Variants in HMGB1 observed in about 807,000 individuals in gnomAD.
HMGB1 encodes the protein high mobility group protein B1.
For missense variants in HMGB1, 79 were observed against 253.5 expected, an observed-to-expected ratio of 0.31 and a Z score of 4.67; for synonymous variants, 81 against 84.0, an observed-to-expected ratio of 0.96 and a Z score of 0.19.
chr13:30,614,008 A>T (rs1481819469), intron 1 of HMGB1, among the ~76,000 whole-genome samples: 1 of 152,202 alleles, frequency 6.6e-6, no homozygotes, highest in Non-Finnish European at 1.5e-5. Context: ...ATAATAACAG[A>T]ACAACTTTTA....
intron 1 of HMGB1, among the ~76,000 whole-genome samples, chr13:30,498,542 A>C (rs908073400): frequency 6.6e-6 from 1 of 151,852 alleles, no homozygotes; most frequent in African/African-American, 2.4e-5. Context: ...TATGCCCCCC[A>C]CCACCCCACG....
At position 30,458,244 on chromosome 13, in the gene HMGB1, C is replaced by CAAGCAGA. The variant is rs1486008589; in HGVS notation, c.*3112_*3113insTCTGCTT. 4 of 152,018 alleles carry CAAGCAGA rather than the reference C, an allele frequency of 2.6e-5. No individual in the cohort carries two copies. In the East Asian group the frequency reaches 7.7e-4, roughly 29 times the overall value. The allele number at this position is 152,018 out of a possible 1,614,324, so 9.4% of individuals were successfully genotyped here. ...AGGAGGCGTATTGTACCAAGCAGAC[C>CAAGCAGA]TAAATGTGAACTTTCATCAAGGACT... On this transcript the variant is annotated 3_prime_UTR_variant, in exon 5 of 5. Coordinates refer to ENST00000341423, the MANE Select transcript of HMGB1 (RefSeq NM_002128.7).
At chr13:30,536,629 C>T (rs1158396298) in intron 1 of HMGB1, among the ~76,000 whole-genome samples, 1 of 152,302 alleles carries the variant, frequency 6.6e-6, no homozygotes, top group East Asian at 1.9e-4. Context: ...GGATTACAGG[C>T]GTGAGCCACC....
chr13:30,588,115 T>C (rs1301968537), intron 1 of HMGB1, among the ~76,000 whole-genome samples: 1 of 152,200 alleles, frequency 6.6e-6, no homozygotes, highest in Non-Finnish European at 1.5e-5. Flanking sequence ...TATCATGTGC[T>C]CAGCACTGCC....
chr13:30,522,067 A>G (rs985604138), intron 1 of HMGB1, among the ~76,000 whole-genome samples: 3 of 151,570 alleles, frequency 2.0e-5, no homozygotes, highest in African/African-American at 7.3e-5. Flanking sequence ...CTTGCTCAAG[A>G]TAGCTTAGTG....
intron 1 of HMGB1, among the ~76,000 whole-genome samples, chr13:30,597,289 G>T (rs1871657501): frequency 1.3e-5 from 2 of 152,142 alleles, no homozygotes; most frequent in Non-Finnish European, 2.9e-5. Flanking sequence ...CATGAAGGCA[G>T]AGACCGGGGC....
intron 1 of HMGB1, among the ~76,000 whole-genome samples, chr13:30,471,993 G>A (rs1276735343): frequency 6.6e-6 from 1 of 151,516 alleles, no homozygotes; most frequent in Non-Finnish European, 1.5e-5. Context: ...AAACTTAAAA[G>A]GTGACCAGGT....
intron 1 of HMGB1, among the ~76,000 whole-genome samples, chr13:30,538,778 CTTCT>C (rs1868712126): frequency 8.6e-5 from 2 of 23,352 alleles, no homozygotes; most frequent in East Asian, 1.6e-3. Flanking sequence ...TCTCTCTTTC[CTTCT>C]TTCTTTTTCT....
At chr13:30,525,857 G>GGC (rs904620667) in intron 1 of HMGB1, among the ~76,000 whole-genome samples, 2 of 150,712 alleles carry the variant, frequency 1.3e-5, no homozygotes, top group Admixed American at 1.3e-4. Context: ...ATGAGATTGT[G>GGC]GGGGGACACA....
intron 1 of HMGB1, among the ~76,000 whole-genome samples, chr13:30,605,604 G>A (rs1160310082): frequency 6.6e-6 from 1 of 152,214 alleles, no homozygotes; most frequent in Non-Finnish European, 1.5e-5. Flanking sequence ...TTGGTGGGAA[G>A]ACAGGAATAA....
chr13:30,503,151 A>G (rs992599498), intron 1 of HMGB1, among the ~76,000 whole-genome samples: 1 of 113,290 alleles, frequency 8.8e-6, no homozygotes, highest in African/African-American at 2.6e-5. Flanking sequence ...CCTGGCTGAC[A>G]TAGTGAAACC....
chr13:30,519,315 C>T (rs1350856187), intron 1 of HMGB1, among the ~76,000 whole-genome samples: 2 of 150,730 alleles, frequency 1.3e-5, no homozygotes, highest in African/African-American at 4.9e-5. Context: ...ATCGCTTGAA[C>T]CCAGGAGATG....
intron 1 of HMGB1, among the ~76,000 whole-genome samples, chr13:30,613,940 T>C (rs1950536563): frequency 6.6e-6 from 1 of 150,766 alleles, no homozygotes; most frequent in Non-Finnish European, 1.5e-5. Flanking sequence ...GTAGATGAAA[T>C]AATGGTACAT....
At chr13:30,464,228 C>T (rs1886557983) in intron 1 of HMGB1, 1 of 985,472 alleles carries the variant, frequency 1.0e-6, no homozygotes, top group Non-Finnish European at 1.2e-6. Flanking sequence ...GAGCAGCAGC[C>T]AGCTCCGGTG....
intron 1 of HMGB1, among the ~76,000 whole-genome samples, chr13:30,509,531 C>T (rs1262480319): frequency 6.6e-6 from 1 of 152,152 alleles, no homozygotes; most frequent in African/African-American, 2.4e-5. Context: ...AGCCACCACG[C>T]CTGGCCGTGC....
chr13:30,475,509 G>A (rs1236899296), intron 1 of HMGB1, among the ~76,000 whole-genome samples: 1 of 149,870 alleles, frequency 6.7e-6, no homozygotes, highest in Non-Finnish European at 1.5e-5. Flanking sequence ...CAATGTGCCC[G>A]GTTTGAGACC....
chr13:30,547,990 C>T (rs1320965810), intron 1 of HMGB1, among the ~76,000 whole-genome samples: 1 of 152,136 alleles, frequency 6.6e-6, no homozygotes, highest in Non-Finnish European at 1.5e-5. Context: ...ACATAAAATG[C>T]TATTTTATTG....
intron 1 of HMGB1, among the ~76,000 whole-genome samples, chr13:30,574,128 G>C (rs894482299): frequency 6.6e-6 from 1 of 152,186 alleles, no homozygotes; most frequent in African/African-American, 2.4e-5. Context: ...ATGCCAGTGA[G>C]ATATTCAAAG....
At chr13:30,513,468 C>T (rs1422366228) in intron 1 of HMGB1, among the ~76,000 whole-genome samples, 1 of 152,208 alleles carries the variant, frequency 6.6e-6, no homozygotes, top group Non-Finnish European at 1.5e-5. Flanking sequence ...CTCTATGGCA[C>T]GATCTGTATC....
Sources: gnomAD v4.1 joint callset for allele counts (sites outside exome capture counted in the v4.1 genomes callset) on GRCh38, gnomAD v4.1.1 for gene constraint, MANE v1.5 for transcripts, NCBI Gene and HGNC (gene_info 2026-07-23, HGNC 2026-07-21) for gene names.